The following TMEM71 variants were observed in gnomAD, a reference collection of about 807,000 sequenced individuals.
TMEM71 encodes the protein transmembrane protein 71.
A neutral mutation model predicts 38.0 loss-of-function variants in TMEM71; 44 were observed. The ratio of observed to expected loss-of-function variants is 1.16; its 90% CI spans 0.91 to 1.49. TMEM71 has a LOEUF of 1.49. TMEM71 is among the 40% of genes most tolerant of loss of function. TMEM71 has a pLI of 0.00. For missense variants in TMEM71, 367 were observed against 348.6 expected (o/e 1.05, Z -0.42); for synonymous variants, 133 against 122.5 (o/e 1.09, Z -0.56).
At chr8:132,716,451 A>C (rs566108788) in intron 7 of TMEM71, among the ~76,000 whole-genome samples, 1 of 152,318 alleles carries the variant, frequency 6.6e-6, no homozygotes, top group South Asian at 2.1e-4. Flanking sequence ...AGCTACTCAG[A>C]CCAGTCAGAC....
At chr8:132,714,932 T>C (rs1826422786) in intron 7 of TMEM71, among the ~76,000 whole-genome samples, 2 of 152,074 alleles carry the variant, frequency 1.3e-5, no homozygotes, top group South Asian at 2.1e-4. Flanking sequence ...CCAAAGAATA[T>C]ATACAAATGT....
At chr8:132,713,106 A>G (rs1200401187) in intron 9 of TMEM71, among the ~76,000 whole-genome samples, 1 of 151,768 alleles carries the variant, frequency 6.6e-6, no homozygotes, top group East Asian at 1.9e-4. Flanking sequence ...CAGCTTCCCA[A>G]AGTGCTGAGA....
downstream of TMEM71, among the ~76,000 whole-genome samples, chr8:132,709,728 C>T (rs1430397538): frequency 6.6e-6 from 1 of 152,062 alleles, no homozygotes; most frequent in Non-Finnish European, 1.5e-5. Context: ...TTCCCTAAAG[C>T]CTCCAGAGGG....
At chr8:132,771,708 A>G in the TMEM71 span, among the ~76,000 whole-genome samples, 14 of 152,228 alleles carry the variant, frequency 9.2e-5, no homozygotes, top group Middle Eastern at 3.4e-3. Flanking sequence ...TCATCCTTAG[A>G]GTTGGCTCAT....
At chr8:132,709,825 T>C (rs866304106), downstream of TMEM71, 37 of 152,102 alleles carry the variant, frequency 2.4e-4, no homozygotes, top group African/African-American at 8.9e-4. Flanking sequence ...CCACTTGGTT[T>C]AGGGTAATTT....
chr8:132,751,192 G>A (rs1381505719), intron 4 of TMEM71, among the ~76,000 whole-genome samples: 1 of 152,044 alleles, frequency 6.6e-6, no homozygotes, highest in African/African-American at 2.4e-5. Context: ...CTGCTCCCAT[G>A]CTCAGTCTTC....
intron 9 of TMEM71, 75 bp from the exon 10 acceptor site, chr8:132,711,057 T>C: frequency 7.1e-7 from 1 of 1,413,320 alleles, no homozygotes. Flanking sequence ...AATCACTGCA[T>C]ACCCATTTGC....
intron 3 of TMEM71, among the ~76,000 whole-genome samples, chr8:132,753,285 T>C (rs1828825013): frequency 6.6e-6 from 1 of 150,948 alleles, no homozygotes; most frequent in Admixed American, 6.6e-5. Context: ...AAAATATATA[T>C]TGTCTGAATA....
intron 6 of TMEM71, among the ~76,000 whole-genome samples, chr8:132,727,173 A>G (rs570906754): frequency 2.0e-5 from 3 of 152,178 alleles, no homozygotes; most frequent in Non-Finnish European, 4.4e-5. Context: ...TATGTCCAAT[A>G]CACAGCTAAG....
At chr8:132,755,481 G>C (rs1041365798) in intron 3 of TMEM71, among the ~76,000 whole-genome samples, 2 of 152,192 alleles carry the variant, frequency 1.3e-5, no homozygotes, top group Admixed American at 1.3e-4. Flanking sequence ...AAGCCCAACT[G>C]CCCAAAGACA....
chr8:132,771,583 A>G, the TMEM71 span, among the ~76,000 whole-genome samples: 1 of 151,432 alleles, frequency 6.6e-6, no homozygotes, highest in Non-Finnish European at 1.5e-5. Context: ...TATTACTTCA[A>G]TATTATGTAC....
chr8:132,749,975 C>CT (rs1828605190), intron 4 of TMEM71, among the ~76,000 whole-genome samples: 1 of 142,242 alleles, frequency 7.0e-6, no homozygotes, highest in South Asian at 2.2e-4. Flanking sequence ...GATAGCGCCA[C>CT]TGTACTCCAG....
chr8:132,769,899 T>C, the TMEM71 span, among the ~76,000 whole-genome samples: 3 of 152,268 alleles, frequency 2.0e-5, no homozygotes, highest in Admixed American at 2.0e-4. Context: ...GAATATTGCA[T>C]GCATGCATGT....
intron 4 of TMEM71, 67 bp downstream of exon 4, chr8:132,751,718 A>AT: frequency 6.9e-7 from 1 of 1,444,182 alleles, no homozygotes; most frequent in African/African-American, 1.4e-5. Flanking sequence ...GAGTGAATAA[A>AT]TGAATGAATA....
At chr8:132,718,398 CTTTTTTTTT>C (rs36014367) in intron 7 of TMEM71, among the ~76,000 whole-genome samples, 1 of 128,494 alleles carries the variant, frequency 7.8e-6, no homozygotes, top group Non-Finnish European at 1.6e-5. Context: ...GGGATTTTCT[CTTTTTTTTT>C]TTTTTTTTGA....
chr8:132,761,160 C>T (rs1352445040), upstream of TMEM71, among the ~76,000 whole-genome samples: 2 of 152,148 alleles, frequency 1.3e-5, no homozygotes, highest in African/African-American at 4.8e-5. Flanking sequence ...ATCTGTACTA[C>T]TGTAAGTGAT....
chr8:132,724,943 C>T (rs1827055278), intron 6 of TMEM71, among the ~76,000 whole-genome samples: 1 of 152,190 alleles, frequency 6.6e-6, no homozygotes, highest in Admixed American at 6.5e-5. Context: ...CAGATGTAAT[C>T]TCTTTCTGCA....
intron 5 of TMEM71, among the ~76,000 whole-genome samples, chr8:132,728,382 C>A (rs1827270191): frequency 6.6e-6 from 1 of 152,116 alleles, no homozygotes; most frequent in Non-Finnish European, 1.5e-5. Flanking sequence ...GTAAAACCAT[C>A]AGATCTCATG....
At position 132,759,811 on chromosome 8, in the gene TMEM71, A is replaced by C. The variant is rs368474586; in HGVS notation, c.-37+665T>G. On this transcript the variant is annotated intron_variant, in intron 1 of 9. Coordinates refer to ENST00000677595, the MANE Select transcript of TMEM71 (RefSeq NM_001382403.1). The stretch of plus-strand genomic sequence containing the variant: ...CAGCTTCAAGTTGAATATTTCAATA[A>C]ATTATATATAAACCCTATTAGGAAA... 3.9e-4 allele frequency among the ~76,000 whole-genome samples: 59 copies of C among 152,306 alleles called. No homozygotes were observed. The East Asian group carries it at 7.1e-3, about 18-fold the overall frequency.
Sources: allele counts gnomAD v4.1 joint callset (sites outside exome capture counted in the v4.1 genomes callset), GRCh38; gene constraint gnomAD v4.1.1; transcripts MANE v1.5; gene names NCBI Gene and HGNC (gene_info 2026-07-23, HGNC 2026-07-21).